The following CEMIP variants were observed in gnomAD, a reference collection of about 807,000 sequenced individuals.
The protein encoded by CEMIP is cell migration inducing hyaluronidase 1, also known as cell migration-inducing and hyaluronan-binding protein.
CEMIP carries 105 observed loss-of-function variants against 156.9 expected under a neutral mutation model. That is an observed-to-expected ratio of 0.67 (90% CI 0.57 to 0.79). The LOEUF (loss-of-function observed/expected upper bound fraction) is 0.79, where lower values mean the gene tolerates loss of function less well. Among genes scored for constraint, CEMIP ranks in the 30% least tolerant of loss-of-function variants. The pLI, the probability that CEMIP is intolerant of heterozygous loss-of-function variation, is 0.00. For synonymous variants in CEMIP, 676 were observed against 668.4 expected (o/e 1.01, Z -0.17); for missense variants, 1,457 against 1,769.4 (o/e 0.82, Z 3.17).
intron 8 of CEMIP, among the ~76,000 whole-genome samples, chr15:80,887,992 A>C (rs866006999): frequency 6.6e-6 from 1 of 152,218 alleles, no homozygotes; most frequent in Admixed American, 6.5e-5. Context: ...GGAAATCTTC[A>C]CTGACTTAAT....
chr15:80,892,878 A>AT (rs562631736), intron 10 of CEMIP, among the ~76,000 whole-genome samples: 67 of 152,306 alleles, frequency 4.4e-4, no homozygotes, highest in African/African-American at 1.5e-3. Flanking sequence ...TGGCCCATAC[A>AT]TTTTTTATTA....
chr15:80,880,450 G>C (rs1447798523), intron 5 of CEMIP, among the ~76,000 whole-genome samples: 2 of 152,130 alleles, frequency 1.3e-5, no homozygotes, highest in Admixed American at 6.5e-5. Context: ...TGTTGTTGTT[G>C]TTTTGAGATG....
At chr15:80,898,600 C>T (rs889776487) in intron 12 of CEMIP, among the ~76,000 whole-genome samples, 1 of 152,178 alleles carries the variant, frequency 6.6e-6, no homozygotes, top group Non-Finnish European at 1.5e-5. Context: ...TTTATAGAGA[C>T]AGAGCCTCAC....
chr15:80,899,663 G>A (rs1185157298), intron 12 of CEMIP, among the ~76,000 whole-genome samples: 1 of 152,052 alleles, frequency 6.6e-6, no homozygotes, highest in African/African-American at 2.4e-5. Flanking sequence ...GAGAGGGAGG[G>A]GCCATGGTGC....
rs1279215693 is a variant in CEMIP at position 80,858,528 on chromosome 15, A to G, written c.-175-15010A>G. On this transcript the variant is annotated intron_variant, in intron 1 of 29. Coordinates refer to ENST00000394685, the MANE Select transcript of CEMIP (RefSeq NM_001293298.2). The stretch of plus-strand genomic sequence containing the variant: ...CAGGAGTTCAAGAGCAGCCTGACCA[A>G]CATGGAGAAACCTGGTCTCTACTAA... Among the ~76,000 whole-genome samples, 3 of 151,652 alleles carry G rather than the reference A, an allele frequency of 2.0e-5. No individual in the cohort carries two copies. In the East Asian group the frequency reaches 5.8e-4, roughly 29 times the overall value.
intron 1 of CEMIP, among the ~76,000 whole-genome samples, chr15:80,868,550 T>C (rs1475190976): frequency 2.0e-5 from 3 of 152,224 alleles, no homozygotes; most frequent in Non-Finnish European, 4.4e-5. Context: ...TGAGAAGTGC[T>C]GGCTGTATAA....
intron 13 of CEMIP, among the ~76,000 whole-genome samples, chr15:80,908,025 A>C (rs1198939259): frequency 6.6e-6 from 1 of 152,212 alleles, no homozygotes; most frequent in Non-Finnish European, 1.5e-5. Context: ...CCTATATTAT[A>C]GGATTTCTAT....
chr15:80,824,902 C>T (rs1244608320), intron 1 of CEMIP, among the ~76,000 whole-genome samples: 2 of 152,212 alleles, frequency 1.3e-5, no homozygotes, highest in Non-Finnish European at 1.5e-5. Context: ...AGTGATCTCG[C>T]AGGGCCTGTG....
intron 1 of CEMIP, among the ~76,000 whole-genome samples, chr15:80,795,833 G>A (rs1896210278): frequency 6.6e-6 from 1 of 152,180 alleles, no homozygotes; most frequent in Non-Finnish European, 1.5e-5. Context: ...GGGAGGCTAA[G>A]GCAGGAGGAT....
At chr15:80,814,890 C>T (rs1248701491) in intron 1 of CEMIP, among the ~76,000 whole-genome samples, 1 of 152,138 alleles carries the variant, frequency 6.6e-6, no homozygotes, top group Non-Finnish European at 1.5e-5. Context: ...GTCTCACTTT[C>T]TTGGCCAGCT....
In CEMIP at chr15:80,932,084, G is replaced by A. The variant is rs371774460; in HGVS notation, c.2793+45G>A. 6.2e-7 allele frequency: 1 copy of A among 1,602,892 alleles called. No homozygotes were observed. Among genetic ancestry groups the A allele is most frequent in the African/African-American group, 1.3e-5 (1 of 74,854 alleles). On this transcript the variant is annotated intron_variant, in intron 22 of 29. Transcript: ENST00000394685. The surrounding 1 kb of genome is among the most constrained non-coding windows in gnomAD (Gnocchi z 4.5). ...AGACTCCCGGCAAACCCAGACTTTGGATGGTGATTCACAAGTCCCCTGGGT... is the reference window on the plus strand; with the variant it reads ...AGACTCCCGGCAAACCCAGACTTTGAATGGTGATTCACAAGTCCCCTGGGT...
At chr15:80,836,540 C>A (rs1897273398) in intron 1 of CEMIP, among the ~76,000 whole-genome samples, 1 of 152,214 alleles carries the variant, frequency 6.6e-6, no homozygotes, top group African/African-American at 2.4e-5. Flanking sequence ...TGAAAACCTT[C>A]CTCAAACGTT....
intron 1 of CEMIP, among the ~76,000 whole-genome samples, chr15:80,835,156 A>T (rs1391643317): frequency 6.6e-6 from 1 of 152,146 alleles, no homozygotes; most frequent in African/African-American, 2.4e-5. Flanking sequence ...CTTGGCATTC[A>T]GTGGGTTTAG....
chr15:80,920,038 A>G, intron 14 of CEMIP, 56 bp from the exon 15 acceptor site: 2 of 1,528,748 alleles, frequency 1.3e-6, no homozygotes, highest in Non-Finnish European at 1.8e-6. Context: ...GAATGCATGA[A>G]TGAGCACATG....
intron 1 of CEMIP, among the ~76,000 whole-genome samples, chr15:80,798,250 G>T (rs1428692887): frequency 6.6e-6 from 1 of 152,096 alleles, no homozygotes; most frequent in Non-Finnish European, 1.5e-5. Flanking sequence ...ACATAACGTT[G>T]ATAGAATTTT....
chr15:80,841,040 G>A (rs762051866), intron 1 of CEMIP, among the ~76,000 whole-genome samples: 11 of 152,132 alleles, frequency 7.2e-5, no homozygotes, highest in South Asian at 2.1e-4. Context: ...CAGCTTGAGC[G>A]TCCCCTCCCC....
Position 80,931,895 on chromosome 15 carries a change from C to T in CEMIP, c.2649C>T (p.Gly883=). 1 of 1,614,186 alleles carries T rather than the reference C, an allele frequency of 6.2e-7. No individual in the cohort carries two copies. The highest frequency in any genetic ancestry group is 8.5e-7 in the Non-Finnish European group (1 of 1,180,022). The change falls in exon 22 of 30, where the codon GGC becomes GGT. Residue 883 remains glycine, a synonymous_variant. Transcript: ENST00000394685. ...FPIRGIQLYD[G]PINIQNCTFR... is the part of the protein sequence containing the mutation. ...TTAGAGGAATTCAGTTATATGATGG[C>T]CCCATCAACATCCAAAACTGCACTT...
At chr15:80,890,761 G>A (rs112322842) in intron 10 of CEMIP, among the ~76,000 whole-genome samples, 1,558 of 152,100 alleles carry the variant, frequency 0.01, 36 homozygotes, top group African/African-American at 0.036. Context: ...CTTTCACCCC[G>A]CCACACCATC....
chr15:80,790,632 T>C (rs1367645375), intron 1 of CEMIP, among the ~76,000 whole-genome samples: 1 of 152,212 alleles, frequency 6.6e-6, no homozygotes, highest in East Asian at 1.9e-4. Context: ...TATGTCACCG[T>C]GAGTCCAAAA....
Sources: gnomAD v4.1 joint callset for allele counts (sites outside exome capture counted in the v4.1 genomes callset) on GRCh38, gnomAD v4.1.1 for gene constraint, Gnocchi (gnomAD v3.1) non-coding constraint, MANE v1.5 for transcripts, NCBI Gene and HGNC (gene_info 2026-07-23, HGNC 2026-07-21) for gene names.